CTNNBL1: variants seen among roughly 807,000 people sequenced by gnomAD.
CTNNBL1 encodes catenin beta like 1.
In CTNNBL1, 31 loss-of-function variants were observed where a neutral mutation model predicts 72.7. That is an observed-to-expected ratio of 0.43 (90% CI 0.32 to 0.58). The LOEUF is 0.58. CTNNBL1 is among the 20% of genes least tolerant of loss of function. The pLI is 0.08. For missense variants in CTNNBL1, 534 were observed against 725.1 expected, an observed-to-expected ratio of 0.74 and a Z score of 3.03; for synonymous variants, 240 against 267.3, an observed-to-expected ratio of 0.90 and a Z score of 1.00.
chr20:37,783,816 A>G (rs765876928), intron 10 of CTNNBL1, among the ~76,000 whole-genome samples: 2 of 152,238 alleles, frequency 1.3e-5, no homozygotes, highest in Non-Finnish European at 2.9e-5. Flanking sequence ...GCTAAGGAGA[A>G]GAATGTGTAT....
chr20:37,750,583 AG>A (rs998151341), intron 4 of CTNNBL1: 19 of 152,336 alleles, frequency 1.2e-4, no homozygotes, highest in African/African-American at 4.1e-4. Context: ...GACTGCTTTA[AG>A]CCAGATTTAC....
chr20:37,742,870 C>G (rs2073229943), intron 3 of CTNNBL1, among the ~76,000 whole-genome samples: 1 of 152,218 alleles, frequency 6.6e-6, no homozygotes, highest in Non-Finnish European at 1.5e-5. Flanking sequence ...GTGGCACGAT[C>G]TTAGCTCACT....
intron 1 of CTNNBL1, among the ~76,000 whole-genome samples, chr20:37,695,645 G>A (rs944991987): frequency 1.3e-5 from 2 of 152,236 alleles, no homozygotes; most frequent in African/African-American, 2.4e-5. Flanking sequence ...AGAGCCATGA[G>A]TCTGGACCCC....
intron 10 of CTNNBL1, among the ~76,000 whole-genome samples, chr20:37,780,034 G>T (rs1295293782): frequency 6.6e-6 from 1 of 151,180 alleles, no homozygotes; most frequent in Admixed American, 6.6e-5. Flanking sequence ...AGGCTGAGGG[G>T]ATAACCAGAC....
intron 7 of CTNNBL1, among the ~76,000 whole-genome samples, chr20:37,776,803 T>C (rs2073577752): frequency 6.6e-6 from 1 of 152,158 alleles, no homozygotes; most frequent in Non-Finnish European, 1.5e-5. Context: ...TTTTAAGTAG[T>C]AGGCAGATTA....
intron 1 of CTNNBL1, among the ~76,000 whole-genome samples, chr20:37,728,739 T>C (rs1263685849): frequency 2.0e-5 from 3 of 151,940 alleles, no homozygotes; most frequent in Non-Finnish European, 4.4e-5. Context: ...GAGAGGGAGG[T>C]GGGAGCTGCT....
At chr20:37,729,649 G>C (rs942924845) in intron 1 of CTNNBL1, among the ~76,000 whole-genome samples, 1 of 152,114 alleles carries the variant, frequency 6.6e-6, no homozygotes, top group African/African-American at 2.4e-5. Context: ...GCAGGCTCAC[G>C]CTAATCAGAA....
At chr20:37,840,378 A>G (rs2072293641) in intron 12 of CTNNBL1, among the ~76,000 whole-genome samples, 179 bp downstream of exon 12, 1 of 152,140 alleles carries the variant, frequency 6.6e-6, no homozygotes, top group Non-Finnish European at 1.5e-5. Flanking sequence ...TCATCTCCAA[A>G]TGCATTCTCC....
intron 13 of CTNNBL1, among the ~76,000 whole-genome samples, chr20:37,843,402 G>A (rs916742321): frequency 7.2e-5 from 11 of 152,164 alleles, no homozygotes; most frequent in East Asian, 1.9e-4. Flanking sequence ...TAAGGCTACC[G>A]TGTTGCACTG....
intron 11 of CTNNBL1, 131 bp downstream of exon 11, chr20:37,803,179 C>CT (rs1720629920): frequency 1.3e-6 from 1 of 796,270 alleles, no homozygotes; most frequent in Non-Finnish European, 1.9e-6. Flanking sequence ...TTACTATTTT[C>CT]TTATTTTTCA....
chr20:37,825,530 C>G (rs1286503053), intron 11 of CTNNBL1, among the ~76,000 whole-genome samples: 1 of 152,054 alleles, frequency 6.6e-6, no homozygotes, highest in Non-Finnish European at 1.5e-5. Flanking sequence ...CAAAAATTAG[C>G]TGGGCGTGGT....
intron 15 of CTNNBL1, among the ~76,000 whole-genome samples, chr20:37,864,059 C>T (rs961088248): frequency 9.9e-5 from 15 of 152,074 alleles, no homozygotes; most frequent in African/African-American, 3.1e-4. Flanking sequence ...CCTGAGGAGC[C>T]CTCACTTGGG....
chr20:37,853,959 A>G (rs546014017), intron 13 of CTNNBL1, among the ~76,000 whole-genome samples: 1 of 152,366 alleles, frequency 6.6e-6, no homozygotes, highest in South Asian at 2.1e-4. Flanking sequence ...CAGAAACTTC[A>G]TCTTCAGAAG....
intron 7 of CTNNBL1, among the ~76,000 whole-genome samples, chr20:37,775,869 A>G (rs1479250950): frequency 1.3e-5 from 2 of 152,234 alleles, no homozygotes; most frequent in African/African-American, 4.8e-5. Flanking sequence ...TCTTTCAGTT[A>G]AGTGTCTTGT....
chr20:37,763,789 C>T (rs1272175206), intron 5 of CTNNBL1, among the ~76,000 whole-genome samples: 1 of 152,188 alleles, frequency 6.6e-6, no homozygotes, highest in Non-Finnish European at 1.5e-5. Context: ...TTTGTGACTT[C>T]AGTCAGGCTA....
chr20:37,823,541 G>A (rs1389067846), intron 11 of CTNNBL1, among the ~76,000 whole-genome samples: 1 of 152,188 alleles, frequency 6.6e-6, no homozygotes, highest in Non-Finnish European at 1.5e-5. Context: ...ATAGGAGGAG[G>A]AGGGAGCGGC....
rs1182477323 is a variant in CTNNBL1 at position 37,737,549 on chromosome 20, A to AT, written c.326+69dup. On this transcript the variant is annotated intron_variant, in intron 3 of 15. Transcript: ENST00000361383. ...CGTTTCGTTGGCTAATTTTGTTTTG[A>AT]TTTTGGTTTGTTTTGGCTTTTGTGA... 5 of 1,195,916 alleles carry AT rather than the reference A, an allele frequency of 4.2e-6. No individual in the cohort carries two copies. In the East Asian group the frequency reaches 1.2e-4, roughly 30 times the overall value. The allele number at this position is 1,195,916 out of a possible 1,614,324, so 74.1% of individuals were successfully genotyped here.
chr20:37,830,966 A>G (rs1277715469), intron 11 of CTNNBL1, among the ~76,000 whole-genome samples: 1 of 152,374 alleles, frequency 6.6e-6, no homozygotes, highest in African/African-American at 2.4e-5. Context: ...AAGTCAAGCC[A>G]TCATAAATCA....
chr20:37,705,726 T>A (rs1277065899), intron 1 of CTNNBL1, among the ~76,000 whole-genome samples: 1 of 152,224 alleles, frequency 6.6e-6, no homozygotes, highest in Non-Finnish European at 1.5e-5. Context: ...GCGCCAAGAA[T>A]CTCGTTTACA....
Sources: allele counts gnomAD v4.1 joint callset (sites outside exome capture counted in the v4.1 genomes callset), GRCh38; gene constraint gnomAD v4.1.1; transcripts MANE v1.5; gene names NCBI Gene and HGNC (gene_info 2026-07-23, HGNC 2026-07-21).